The following PCDHGA11 variants were observed in gnomAD, a reference collection of about 807,000 sequenced individuals.
PCDHGA11 encodes protocadherin gamma subfamily A, 11.
In PCDHGA11, 39 loss-of-function variants were observed where a neutral mutation model predicts 60.4. The ratio of observed to expected loss-of-function variants is 0.65; its 90% CI spans 0.50 to 0.84. PCDHGA11 has a LOEUF of 0.84. Among genes scored for constraint, PCDHGA11 ranks in the 40% least tolerant of loss-of-function variants. PCDHGA11 has a pLI of 0.00. For missense variants in PCDHGA11, 1,165 were observed against 1,197.7 expected (o/e 0.97, Z 0.40); for synonymous variants, 533 against 510.3 (o/e 1.04, Z -0.60).
rs113648128 is a variant in PCDHGA11, at chr5:141,491,811, C to T, written c.2434-2996C>T. ...CACTCCTCTCCGGCCGGCTTGGTCG[C>T]TGGCTGCGCTCCACCCGATTCTCGG... On this transcript the variant is annotated intron_variant, in intron 1 of 3. Transcript: ENST00000398587. The surrounding 1 kb of genome is among the most constrained non-coding windows in gnomAD (Gnocchi z 6.9). 6.7e-7 allele frequency: 1 copy of T among 1,487,262 alleles called. No homozygotes were observed. The highest frequency in any genetic ancestry group is 1.4e-5 in the African/African-American group (1 of 70,544). 92.1% of individuals were successfully genotyped at this position (1,487,262 alleles called of 1,614,324 possible).
At chr5:141,473,511 C>T (rs952034051) in intron 1 of PCDHGA11, among the ~76,000 whole-genome samples, 23 of 152,108 alleles carry the variant, frequency 1.5e-4, no homozygotes, top group Non-Finnish European at 3.1e-4. Flanking sequence ...GAGAGCATAA[C>T]AAAGGATCCT....
In PCDHGA11 at chr5:141,423,026, G is replaced by T. The variant is rs1333695085; in HGVS notation, c.1799G>T (p.Gly600Val). 6.2e-7 allele frequency: 1 copy of T among 1,614,210 alleles called. No individual in the cohort carries two copies. Among genetic ancestry groups the T allele is most frequent in the Admixed American group, 1.7e-5 (1 of 60,036 alleles). ...TKVVAVDKDS[G>V]QNAWLSYRLL... ...GTGGTTGCGGTGGACAAAGATTCAG[G>T]CCAGAACGCCTGGCTGTCCTATCGC... Residue 600 changes from glycine to valine, a missense_variant, in exon 1 of 4, where the codon GGC becomes GTC. By Grantham distance (109) the Gly-to-Val change is moderately radical (BLOSUM62 -3). Coordinates refer to ENST00000398587, the MANE Select transcript of PCDHGA11 (RefSeq NM_018914.3).
Position 141,494,692 on chromosome 5 carries a change from C to T in PCDHGA11, c.2434-115C>T. On this transcript the variant is annotated intron_variant, in intron 1 of 3. Coordinates refer to ENST00000398587, the MANE Select transcript of PCDHGA11 (RefSeq NM_018914.3). ...AGTCCACCCCTGCCCCCTCTTAGTC[C>T]GTTTTCTTCTCTGTGCCCACTCCCC... 2.5e-6 allele frequency: 4 copies of T among 1,581,934 alleles called. No individual in the cohort carries two copies. In the African/African-American group the frequency reaches 4.0e-5, roughly 16 times the overall value.
At chr5:141,433,070 CCCCAG>C in intron 1 of PCDHGA11, 1 of 1,614,174 alleles carries the variant, frequency 6.2e-7, no homozygotes, top group Non-Finnish European at 8.5e-7. Context: ...CCTGATCTTC[CCCCAG>C]CCCAACTATG....
rs1248867280 is a variant in PCDHGA11 at position 141,511,325 on chromosome 5, C to T, written c.*152C>T. 18 of 1,466,406 alleles carry T rather than the reference C, an allele frequency of 1.2e-5. No homozygotes were observed. Among genetic ancestry groups the T allele is most frequent in the Non-Finnish European group, 1.5e-5 (17 of 1,099,872 alleles). 90.8% of individuals were successfully genotyped at this position (1,466,406 alleles called of 1,614,324 possible). A position where few individuals can be genotyped will look rare whatever the true frequency, so the allele number is the denominator to read the frequency against. On this transcript the variant is annotated 3_prime_UTR_variant, in exon 4 of 4. Coordinates refer to ENST00000398587, the MANE Select transcript of PCDHGA11 (RefSeq NM_018914.3). ...TCCCCTTGGGAAACAGAAACAAGTG[C>T]CCAGTCAGCACCTACCCCTTCCCCC...
In PCDHGA11 at chr5:141,489,094, G is replaced by T; in HGVS notation, c.2434-5713G>T. The T allele has an allele frequency of 1.5e-5, 6 of 395,994 alleles. No homozygotes were observed. The highest frequency in any genetic ancestry group is 4.1e-5 in the East Asian group (1 of 24,388). The allele number at this position is 395,994 out of a possible 1,614,324, so 24.5% of individuals were successfully genotyped here. ...CCCACCCCCGCCACTCGGTGACTAA[G>T]AACTGCTGCAAGCAGGCAAACCTCC... On this transcript the variant is annotated intron_variant, in intron 1 of 3. Coordinates refer to ENST00000398587, the MANE Select transcript of PCDHGA11 (RefSeq NM_018914.3). This position sits in a 1 kb window ranked among gnomAD's most constrained non-coding sequence, Gnocchi z 4.5.
intron 1 of PCDHGA11, among the ~76,000 whole-genome samples, chr5:141,449,030 G>C (rs2098623784): frequency 6.6e-6 from 1 of 152,012 alleles, no homozygotes; most frequent in Non-Finnish European, 1.5e-5. Context: ...GCATTCCTTT[G>C]GATTATTAAC....
Position 141,491,260 on chromosome 5 carries a change from A to G in PCDHGA11, c.2434-3547A>G. On this transcript the variant is annotated intron_variant, in intron 1 of 3. Coordinates refer to ENST00000398587, the MANE Select transcript of PCDHGA11 (RefSeq NM_018914.3). This position sits in a 1 kb window ranked among gnomAD's most constrained non-coding sequence, Gnocchi z 6.9. ...TCTGGAGGATGAGGACCCTGAGGAA[A>G]TGCCCAAATCCAGTGACTTCCTCAT... 6.2e-7 allele frequency: 1 copy of G among 1,614,108 alleles called. No individual in the cohort carries two copies. The highest frequency in any genetic ancestry group is 1.7e-5 in the Admixed American group (1 of 60,028).
Position 141,491,075 on chromosome 5 carries a change from A to G in PCDHGA11, c.2434-3732A>G, listed in dbSNP as rs147291399. ...TGGCTCTCCTACTCACTGTTGCCAC[A>G]GTCCACAGCCCCAGGACTGTTCCTC... is the stretch of plus-strand genomic sequence containing the variant. On this transcript the variant is annotated intron_variant, in intron 1 of 3. Coordinates refer to ENST00000398587, the MANE Select transcript of PCDHGA11 (RefSeq NM_018914.3). This position sits in a 1 kb window ranked among gnomAD's most constrained non-coding sequence, Gnocchi z 6.9. 1.2e-6 allele frequency: 2 copies of G among 1,614,080 alleles called. No individual in the cohort carries two copies. Among genetic ancestry groups the G allele is most frequent in the Non-Finnish European group, 8.5e-7 (1 of 1,180,042 alleles).
At chr5:141,439,622 TCC>T (rs1374759651) in intron 1 of PCDHGA11, among the ~76,000 whole-genome samples, 1 of 152,134 alleles carries the variant, frequency 6.6e-6, no homozygotes, top group Non-Finnish European at 1.5e-5. Context: ...AATGAGCCAA[TCC>T]CCAGACATTC....
rs753531462 is a variant in PCDHGA11 at position 141,421,261 on chromosome 5, C to T, written c.34C>T (p.Arg12Trp). The T allele has an allele frequency of 1.5e-5, 24 of 1,609,076 alleles. No individual in the cohort carries two copies. The highest frequency in any genetic ancestry group is 2.0e-5 in the Non-Finnish European group (24 of 1,178,474). The stretch of plus-strand genomic sequence containing the variant: ...TCGGCTACAGCGCGGGGACCGCAGT[C>T]GGCTGCTGCTGCTGCTGTGCATTTT... ...ANRLQRGDRS[R>W]LLLLLCIFLG... The change falls in exon 1 of 4, where the codon CGG (arginine) becomes TGG (tryptophan). Residue 12 changes from arginine to tryptophan, a missense_variant. By Grantham distance (101) the Arg-to-Trp change is moderately radical. Coordinates refer to ENST00000398587, the MANE Select transcript of PCDHGA11 (RefSeq NM_018914.3).
chr5:141,472,230 C>T (rs1274096264), intron 1 of PCDHGA11, among the ~76,000 whole-genome samples: 1 of 152,116 alleles, frequency 6.6e-6, no homozygotes, highest in Non-Finnish European at 1.5e-5. Flanking sequence ...TCATATAATA[C>T]ATTCACTTTC....
chr5:141,509,516 T>C (rs2099877144), intron 3 of PCDHGA11, among the ~76,000 whole-genome samples: 1 of 152,130 alleles, frequency 6.6e-6, no homozygotes, highest in Non-Finnish European at 1.5e-5. Context: ...GTGTTGATGA[T>C]GTATTGCACA....
rs2099750805 is a variant in PCDHGA11, at chr5:141,493,915, T to C, written c.2434-892T>C. ...TGCTCCATGAGAGTGTGTGATGGGA[T>C]AACACACCCCCTGGAAAGACCAGAA... On this transcript the variant is annotated intron_variant, in intron 1 of 3. Transcript: ENST00000398587. This position sits in a 1 kb window ranked among gnomAD's most constrained non-coding sequence, Gnocchi z 4.3. Among the ~76,000 whole-genome samples, 1 of 152,024 alleles carries C rather than the reference T, an allele frequency of 6.6e-6. No homozygotes were observed. Among genetic ancestry groups the C allele is most frequent in the African/African-American group, 2.4e-5 (1 of 41,386 alleles).
rs778198822 is a variant in PCDHGA11 at position 141,432,802 on chromosome 5, A to G, written c.2433+9142A>G. 29 of 1,613,964 alleles carry G rather than the reference A, an allele frequency of 1.8e-5. No individual in the cohort carries two copies. The African/African-American group carries it at 3.6e-4, about 20-fold the overall frequency. On this transcript the variant is annotated intron_variant, in intron 1 of 3. Coordinates refer to ENST00000398587, the MANE Select transcript of PCDHGA11 (RefSeq NM_018914.3). This position sits in a 1 kb window ranked among gnomAD's most constrained non-coding sequence, Gnocchi z 6.0. ...CGGACCTCGGCAGCCTCGAGTCTCC[A>G]GCTAACTCTGAAACCTCAGACCTCA...
intron 1 of PCDHGA11, among the ~76,000 whole-genome samples, chr5:141,479,107 G>A (rs1212999480): frequency 6.6e-6 from 1 of 152,090 alleles, no homozygotes; most frequent in Non-Finnish European, 1.5e-5. Flanking sequence ...TTTATTTCAA[G>A]CATTCTACTG....
At chr5:141,450,516 C>T (rs150995579) in intron 1 of PCDHGA11, among the ~76,000 whole-genome samples, 2,020 of 152,024 alleles carry the variant, frequency 0.013, 56 homozygotes, top group African/African-American at 0.046. Context: ...GATGGAGTCT[C>T]ATTCTTGTCA....
intron 2 of PCDHGA11, among the ~76,000 whole-genome samples, chr5:141,504,782 G>A (rs2099841011): frequency 6.6e-6 from 1 of 151,926 alleles, no homozygotes; most frequent in Non-Finnish European, 1.5e-5. Context: ...AGGGTCTCTT[G>A]GGGCCTCCTA....
intron 3 of PCDHGA11, among the ~76,000 whole-genome samples, chr5:141,508,528 C>T (rs2099869454): frequency 6.6e-6 from 1 of 152,186 alleles, no homozygotes; most frequent in Admixed American, 6.5e-5. Context: ...AACCTCAGGG[C>T]ACCCCCCACG....
Sources: allele counts gnomAD v4.1 joint callset (sites outside exome capture counted in the v4.1 genomes callset), GRCh38; gene constraint gnomAD v4.1.1; non-coding constraint Gnocchi (gnomAD v3.1); transcripts MANE v1.5; gene names NCBI Gene and HGNC (gene_info 2026-07-23, HGNC 2026-07-21).